The following CTBP1 variants were observed in gnomAD, a reference collection of about 807,000 sequenced individuals.
CTBP1 encodes C-terminal-binding protein 1.
In CTBP1, 11 loss-of-function variants were observed where a neutral mutation model predicts 42.1. The observed-to-expected ratio is 0.26, with a 90% CI of 0.16 to 0.43. The LOEUF is 0.43. Ranked by LOEUF, CTBP1 falls within the 20% of genes least tolerant of loss-of-function variation. The pLI, the probability that CTBP1 is intolerant of heterozygous loss-of-function variation, is 1.00. For synonymous variants in CTBP1, 324 were observed against 277.1 expected, an observed-to-expected ratio of 1.17 and a Z score of -1.68; for missense variants, 399 against 624.3, an observed-to-expected ratio of 0.64 and a Z score of 3.85.
intron 4 of CTBP1, among the ~76,000 whole-genome samples, chr4:1,227,656 G>A (rs1314751498): frequency 2.0e-5 from 3 of 148,972 alleles, no homozygotes; most frequent in Non-Finnish European, 3.0e-5. Flanking sequence ...ATGTGCATGG[G>A]TGCAGATGAG....
At chr4:1,228,166 A>C (rs746677477) in intron 4 of CTBP1, 33 bp downstream of exon 4, 2 of 1,610,842 alleles carry the variant, frequency 1.2e-6, no homozygotes, top group Non-Finnish European at 1.7e-6. Flanking sequence ...GCTTGCATGA[A>C]TGGGCACAGG....
intron 1 of CTBP1, chr4:1,243,241 G>A (rs1264889210): frequency 6.1e-6 from 6 of 985,294 alleles, no homozygotes; most frequent in African/African-American, 5.2e-5. Flanking sequence ...GCCAGTACGT[G>A]CCCACACCTG....
chr4:1,244,988 G>A (rs1281393622), intron 1 of CTBP1: 1 of 985,462 alleles, frequency 1.0e-6, no homozygotes, highest in Non-Finnish European at 1.2e-6. Flanking sequence ...AGAGAAGGCA[G>A]GCCCCCAAGA....
intron 5 of CTBP1, among the ~76,000 whole-genome samples, chr4:1,219,710 G>C (rs1321030076): frequency 6.6e-6 from 1 of 152,256 alleles, no homozygotes; most frequent in African/African-American, 2.4e-5. Flanking sequence ...AAGAGAATCT[G>C]TTTTTGGCAG....
Position 1,213,649 on chromosome 4 carries a change from G to A in CTBP1, c.861-44C>T, listed in dbSNP as rs202140061. On this transcript the variant is annotated intron_variant, in intron 7 of 9. Transcript: ENST00000382952. ...TGGTCAGTGCAGCCTGAGTGCTGTG[G>A]CTGGGTACGGAGGGGAGGTGGCTGG... 52 of 1,595,988 alleles carry A rather than the reference G, an allele frequency of 3.3e-5. No homozygotes were observed. The Middle Eastern group carries it at 1.2e-3, about 37-fold the overall frequency.
At chr4:1,230,070 C>G (rs935791647) in intron 3 of CTBP1, among the ~76,000 whole-genome samples, 1 of 152,152 alleles carries the variant, frequency 6.6e-6, no homozygotes, top group East Asian at 1.9e-4. Flanking sequence ...ATGGCTGCCC[C>G]GGGCCTCCTG....
intron 1 of CTBP1, chr4:1,243,441 T>C (rs540366598): frequency 3.0e-6 from 3 of 985,336 alleles, no homozygotes; most frequent in Non-Finnish European, 1.2e-6. Context: ...TGTGGTTCCT[T>C]GTTCCAAGGC....
intron 5 of CTBP1, among the ~76,000 whole-genome samples, chr4:1,219,086 C>A (rs1297390459): frequency 6.6e-6 from 1 of 152,178 alleles, no homozygotes; most frequent in Non-Finnish European, 1.5e-5. Context: ...AATCCCAGCA[C>A]TTTGGGAGGC....
chr4:1,229,995 A>T (rs1246580791), intron 3 of CTBP1, among the ~76,000 whole-genome samples: 1 of 152,108 alleles, frequency 6.6e-6, no homozygotes, highest in East Asian at 1.9e-4. Context: ...GGAGGCAGGG[A>T]GGCATCTACC....
intron 3 of CTBP1, chr4:1,232,839 C>A (rs572996962): frequency 7.4e-4 from 113 of 152,302 alleles, no homozygotes; most frequent in African/African-American, 2.6e-3. Flanking sequence ...TGAACGGCCA[C>A]CCCAGGGGCC....
In CTBP1 at chr4:1,212,356, T is replaced by G; in HGVS notation, c.1174A>C (p.Ser392Arg). The part of the protein sequence containing the change: ...IPAAVEGIVP[S>R]AMSLSHGLPP... The stretch of plus-strand genomic sequence containing the variant: ...AGGCCGTGGGACAGGGACATGGCGC[T>G]GGGGACGATACCTTCCACAGCAGCT... The change falls in exon 10 of 10, where the codon AGC becomes CGC. Residue 392 changes from serine (S) to arginine (R), a missense_variant. Physicochemically the swap from Ser to Arg is moderately radical, Grantham distance 110 (BLOSUM62 -1). Transcript: ENST00000382952. The G allele has an allele frequency of 6.6e-7, 1 of 1,512,594 alleles. No individual in the cohort carries two copies. The highest frequency in any genetic ancestry group is 8.8e-7 in the Non-Finnish European group (1 of 1,134,966). 93.7% of individuals were successfully genotyped at this position (1,512,594 alleles called of 1,614,324 possible).
intron 3 of CTBP1, chr4:1,237,153 T>G (rs1043376788): frequency 1.5e-6 from 1 of 649,368 alleles, no homozygotes; most frequent in Non-Finnish European, 2.8e-6. Context: ...GCAAACCGAG[T>G]GTCCACCTCC....
intron 7 of CTBP1, chr4:1,213,962 G>A (rs1728826367): frequency 5.0e-6 from 2 of 403,998 alleles, no homozygotes; most frequent in South Asian, 8.0e-5. Flanking sequence ...TCTTGCGGCT[G>A]AACATCCAAC....
rs1479022494 is a variant in CTBP1 at position 1,248,961 on chromosome 4, G to C, written c.-234C>G. 15 of 1,001,500 alleles carry C rather than the reference G, an allele frequency of 1.5e-5. No homozygotes were observed. The East Asian group carries it at 1.2e-3, about 83-fold the overall frequency. The allele number at this position is 1,001,500 out of a possible 1,614,324, so 62.0% of individuals were successfully genotyped here. A position where few individuals can be genotyped will look rare whatever the true frequency, so the allele number is the denominator to read the frequency against. ...AGCAAGTGCGAGCTGCCCATCGAGA[G>C]GCGCGAGCGGCCGCGGGCCCCGACC... On this transcript the variant is annotated 5_prime_UTR_variant, in exon 1 of 10. Transcript: ENST00000382952.
chr4:1,248,443 C>T (rs1215828174), intron 1 of CTBP1, among the ~76,000 whole-genome samples: 2 of 150,614 alleles, frequency 1.3e-5, no homozygotes, highest in Non-Finnish European at 3.0e-5. Flanking sequence ...CGCGCTCCCG[C>T]GAGTGGCCCG....
chr4:1,243,552 A>C lies in CTBP1; in HGVS notation c.-188-2033T>G, dbSNP rs920607268. On this transcript the variant is annotated intron_variant, in intron 1 of 9. Transcript: ENST00000382952. Reference sequence around the variant, plus strand: ...TGGGGTAGGTCTGCCCACCATCTGCACCACCCTGGGGCCACTGTGCACCCA... The same window carrying C: ...TGGGGTAGGTCTGCCCACCATCTGCCCCACCCTGGGGCCACTGTGCACCCA... The C allele has an allele frequency of 9.1e-6, 9 of 985,172 alleles. No individual in the cohort carries two copies. In the African/African-American group the frequency reaches 1.4e-4, roughly 15 times the overall value. 61.0% of individuals were successfully genotyped at this position (985,172 alleles called of 1,614,324 possible).
At chr4:1,225,254 C>T in intron 5 of CTBP1, 106 bp downstream of exon 5, 1 of 1,343,650 alleles carries the variant, frequency 7.4e-7, no homozygotes, top group Non-Finnish European at 1.0e-6. Context: ...GGACCGACAC[C>T]TGCAGCAGCC....
intron 4 of CTBP1, 92 bp downstream of exon 4, chr4:1,228,107 T>G: frequency 6.6e-7 from 1 of 1,510,830 alleles, no homozygotes; most frequent in Non-Finnish European, 9.0e-7. Context: ...TGCAACGGGG[T>G]CCTCAGTGTG....
intron 2 of CTBP1, among the ~76,000 whole-genome samples, chr4:1,239,933 C>T (rs1324008147): frequency 2.0e-5 from 3 of 152,246 alleles, no homozygotes; most frequent in African/African-American, 7.2e-5. Context: ...TGTACATGGC[C>T]TCCCTCTGCA....
Sources: allele counts gnomAD v4.1 joint callset (sites outside exome capture counted in the v4.1 genomes callset), GRCh38; gene constraint gnomAD v4.1.1; transcripts MANE v1.5; gene names NCBI Gene and HGNC (gene_info 2026-07-23, HGNC 2026-07-21).